The following CSMD3 variants were observed in gnomAD, a reference collection of about 807,000 sequenced individuals.
The protein encoded by CSMD3 is CUB and sushi domain-containing protein 3.
A neutral mutation model predicts 435.2 loss-of-function variants in CSMD3; 177 were observed. That is an observed-to-expected ratio of 0.41 (90% CI 0.36 to 0.46). CSMD3 has a LOEUF of 0.46. CSMD3 is among the 20% of genes least tolerant of loss of function. The probability of loss-of-function intolerance (pLI) is 0.34; values close to 1 mark genes in which losing one functional copy is unlikely to be tolerated. For missense variants in CSMD3, 4,265 were observed against 4,504.6 expected, an observed-to-expected ratio of 0.95 and a Z score of 1.52; for synonymous variants, 1,656 against 1,520.5, an observed-to-expected ratio of 1.09 and a Z score of -2.07.
At chr8:112,634,402 A>T (rs908645015) in intron 22 of CSMD3, among the ~76,000 whole-genome samples, 1 of 152,036 alleles carries the variant, frequency 6.6e-6, no homozygotes, top group African/African-American at 2.4e-5. Flanking sequence ...TTAAAGGAAT[A>T]TTTCTCCCCA....
intron 5 of CSMD3, among the ~76,000 whole-genome samples, chr8:113,034,606 T>C (rs570356222): frequency 1.3e-5 from 2 of 152,186 alleles, no homozygotes; most frequent in East Asian, 1.9e-4. Flanking sequence ...ACTTTTAAAA[T>C]TAGTAGAGAG....
chr8:113,154,844 C>G (rs2091900825), intron 4 of CSMD3, among the ~76,000 whole-genome samples: 2 of 151,998 alleles, frequency 1.3e-5, no homozygotes, highest in Non-Finnish European at 1.5e-5. Context: ...TCCTTCTTTT[C>G]TATTCCTTCT....
rs189710728 is a variant in CSMD3 at position 113,077,718 on chromosome 8, A to T, written c.917+21038T>A. On this transcript the variant is annotated intron_variant, in intron 5 of 70. Coordinates refer to ENST00000297405, the MANE Select transcript of CSMD3 (RefSeq NM_198123.2). ...ACTCTTGTCTCAAAACAAAAACAAAAACAAAACTCTAAGATACACTTCCAA... is the reference window on the plus strand; with the variant it reads ...ACTCTTGTCTCAAAACAAAAACAAATACAAAACTCTAAGATACACTTCCAA... Among the ~76,000 whole-genome samples, 875 of 152,228 alleles carry T rather than the reference A, an allele frequency of 5.7e-3. 1 individual carries two copies. Among genetic ancestry groups the T allele is most frequent in the Non-Finnish European group, 8.6e-3 (586 of 67,998 alleles).
chr8:112,554,374 A>G (rs1476292009), intron 25 of CSMD3, among the ~76,000 whole-genome samples: 1 of 152,016 alleles, frequency 6.6e-6, no homozygotes, highest in Admixed American at 6.6e-5. Context: ...AATTAAAAAG[A>G]TATTAGTATT....
At chr8:112,601,957 G>A (rs1832388387) in intron 22 of CSMD3, among the ~76,000 whole-genome samples, 1 of 152,226 alleles carries the variant, frequency 6.6e-6, no homozygotes, top group African/African-American at 2.4e-5. Flanking sequence ...CAAGTTTCAG[G>A]TTAAGCATAA....
At chr8:112,599,409 A>C (rs71508421) in intron 22 of CSMD3, among the ~76,000 whole-genome samples, 77,112 of 139,252 alleles carry the variant, frequency 0.55, 21,428 homozygotes, top group African/African-American at 0.65. Flanking sequence ...GAACACTTTT[A>C]CACTGTTGGT....
intron 12 of CSMD3, among the ~76,000 whole-genome samples, chr8:112,809,420 GT>G (rs1276097332): frequency 6.6e-6 from 1 of 152,104 alleles, no homozygotes. Flanking sequence ...TTTGACAATA[GT>G]TCCTACAAAG....
At chr8:112,863,443 C>T (rs1004912913) in intron 10 of CSMD3, among the ~76,000 whole-genome samples, 2 of 151,548 alleles carry the variant, frequency 1.3e-5, no homozygotes, top group South Asian at 2.1e-4. Flanking sequence ...TTATATAGAC[C>T]GTACATAAAT....
intron 49 of CSMD3, 77 bp downstream of exon 49, chr8:112,313,829 T>C (rs1787109420): frequency 8.6e-7 from 1 of 1,167,348 alleles, no homozygotes; most frequent in Non-Finnish European, 1.3e-6. Flanking sequence ...TCTAACTGAA[T>C]AGTGTCTCTG....
chr8:112,260,047 T>C (rs905829669), intron 61 of CSMD3, among the ~76,000 whole-genome samples: 3 of 152,184 alleles, frequency 2.0e-5, no homozygotes, highest in African/African-American at 4.8e-5. Context: ...AACAACCTAT[T>C]GATATCAGGT....
chr8:112,524,168 C>T (rs1824606067), intron 27 of CSMD3, among the ~76,000 whole-genome samples: 2 of 151,838 alleles, frequency 1.3e-5, no homozygotes, highest in South Asian at 4.1e-4. Flanking sequence ...CATATCATAT[C>T]ATATCATATA....
intron 4 of CSMD3, among the ~76,000 whole-genome samples, chr8:113,100,179 TGTAA>T (rs2090287349): frequency 6.6e-6 from 1 of 152,134 alleles, no homozygotes; most frequent in Non-Finnish European, 1.5e-5. Context: ...AAATCAAAAA[TGTAA>T]GTATGTTCGT....
intron 2 of CSMD3, among the ~76,000 whole-genome samples, chr8:113,294,234 A>G (rs1406270389): frequency 1.3e-5 from 2 of 152,074 alleles, no homozygotes; most frequent in Non-Finnish European, 2.9e-5. Context: ...TGTTAATGTA[A>G]TAATAGTTTG....
intron 11 of CSMD3, among the ~76,000 whole-genome samples, chr8:112,853,503 G>C (rs571038916): frequency 2.0e-5 from 3 of 152,140 alleles, no homozygotes; most frequent in Non-Finnish European, 4.4e-5. Context: ...TTGGATTACC[G>C]GTGTGAGCCA....
At position 112,380,579 on chromosome 8, in the gene CSMD3, C is replaced by CA. The variant is rs1204918477; in HGVS notation, c.6032-124dup. The CA allele has an allele frequency of 8.3e-5, 53 of 637,872 alleles. 1 individual carries two copies. Among genetic ancestry groups the CA allele is most frequent in the South Asian group, 6.3e-4 (36 of 57,550 alleles). The allele number at this position is 637,872 out of a possible 1,614,324, so 39.5% of individuals were successfully genotyped here. ...AATATGCATTATTCAAGTTGTTTTTCAAAAAAAATTTAATAGAAATATTTT... is the reference window on the plus strand; with the variant it reads ...AATATGCATTATTCAAGTTGTTTTTCAAAAAAAAATTTAATAGAAATATTTT... On this transcript the variant is annotated intron_variant, in intron 37 of 70. Coordinates refer to ENST00000297405, the MANE Select transcript of CSMD3 (RefSeq NM_198123.2).
At chr8:112,657,980 C>A (rs2075294932) in intron 17 of CSMD3, among the ~76,000 whole-genome samples, 1 of 152,152 alleles carries the variant, frequency 6.6e-6, no homozygotes, top group South Asian at 2.1e-4. Flanking sequence ...ATATAGTAGA[C>A]ACTCAATAAA....
At position 112,254,249 on chromosome 8, in the gene CSMD3, C is replaced by A. The variant is rs536008575; in HGVS notation, c.10110+4G>T. 6.2e-7 allele frequency: 1 copy of A among 1,607,920 alleles called. No individual in the cohort carries two copies. The highest frequency in any genetic ancestry group is 1.3e-5 in the African/African-American group (1 of 74,676). ...TGCTAAATGGACATAGCTAAAGTAC[C>A]CACTTGAAATCCGAATGTATTGTTC... On this transcript the variant is annotated splice_donor_region_variant and intron_variant, in intron 63 of 70. Coordinates refer to ENST00000297405, the MANE Select transcript of CSMD3 (RefSeq NM_198123.2).
At position 112,292,639 on chromosome 8, in the gene CSMD3, C is replaced by T. The variant is rs2130689808; in HGVS notation, c.8686G>A (p.Val2896Met). 1 of 1,613,790 alleles carries T rather than the reference C, an allele frequency of 6.2e-7. No individual in the cohort carries two copies. The highest frequency in any genetic ancestry group is 1.3e-5 in the African/African-American group (1 of 75,018). Residue 2896 changes from valine (V) to methionine (M), a missense_variant, in exon 55 of 71, where the codon GTG (valine) becomes ATG (methionine). This residue lies in a region of CSMD3 where 3,255 missense variants were observed against 3,380.2 expected (regional missense o/e 0.96). Transcript: ENST00000297405. ...CCAATATTGCATGAGAATGTTACCA[C>T]ATCATTAAAGTTGAACCCATTTCCA... ...TSGNGFNFND[V>M]VTFSCNIGYL...
At chr8:113,345,686 CT>C (rs1214013037) in intron 1 of CSMD3, among the ~76,000 whole-genome samples, 1 of 152,096 alleles carries the variant, frequency 6.6e-6, no homozygotes, top group Non-Finnish European at 1.5e-5. Context: ...AAATTTACTT[CT>C]GTTTTTTTAA....
Sources: allele counts gnomAD v4.1 joint callset (sites outside exome capture counted in the v4.1 genomes callset), GRCh38; gene constraint gnomAD v4.1.1; regional missense constraint gnomAD v4.1.1; transcripts MANE v1.5; gene names NCBI Gene and HGNC (gene_info 2026-07-23, HGNC 2026-07-21).